The following RHOJ variants were observed in gnomAD, a reference collection of about 807,000 sequenced individuals.
RHOJ encodes the protein rho-related GTP-binding protein RhoJ.
Under a neutral mutation model 23.4 loss-of-function variants are expected in RHOJ, and 11 were observed. That is an observed-to-expected ratio of 0.47 (90% confidence interval 0.30 to 0.78). The LOEUF (loss-of-function observed/expected upper bound fraction) is 0.78, where lower values mean the gene tolerates loss of function less well. RHOJ is among the 30% of genes least tolerant of loss of function. The pLI is 0.08. For synonymous variants in RHOJ, 102 were observed against 102.7 expected (o/e 0.99, Z 0.04); for missense variants, 254 against 273.4 (o/e 0.93, Z 0.50).
Position 63,235,219 on chromosome 14 carries a change from A to G in RHOJ, c.178+30172A>G, listed in dbSNP as rs1405251233. Among the ~76,000 whole-genome samples the G allele has an allele frequency of 3.9e-5, 6 of 152,200 alleles. No homozygotes were observed. In the South Asian group the frequency reaches 6.2e-4, roughly 16 times the overall value. ...ACTTTCCTGGACTCCAAAAAAAAAA[A>G]GAGGCACTATCGCAGGAAGGAAAAA... On this transcript the variant is annotated intron_variant, in intron 1 of 4. Transcript: ENST00000316754.
intron 1 of RHOJ, among the ~76,000 whole-genome samples, chr14:63,238,468 G>C (rs749253294): frequency 9.2e-5 from 14 of 152,228 alleles, no homozygotes; most frequent in Non-Finnish European, 1.9e-4. Flanking sequence ...CCAAGCTAGA[G>C]TGCAGTGGTG....
chr14:63,268,995 C>A, intron 1 of RHOJ, 115 bp from the exon 2 acceptor site: 1 of 716,920 alleles, frequency 1.4e-6, no homozygotes, highest in Non-Finnish European at 2.5e-6. Flanking sequence ...ATGAGCGAGG[C>A]ATATGCTTCT....
chr14:63,262,039 A>T (rs1194529596), intron 1 of RHOJ, among the ~76,000 whole-genome samples: 1 of 152,176 alleles, frequency 6.6e-6, no homozygotes, highest in Non-Finnish European at 1.5e-5. Flanking sequence ...ATAGCTGGTT[A>T]TGTGCTAGCA....
intron 1 of RHOJ, among the ~76,000 whole-genome samples, chr14:63,227,955 G>T (rs1894624575): frequency 6.6e-6 from 1 of 152,132 alleles, no homozygotes; most frequent in Non-Finnish European, 1.5e-5. Flanking sequence ...AGTCACATCG[G>T]TATAGGGTTT....
intron 1 of RHOJ, among the ~76,000 whole-genome samples, chr14:63,235,590 T>C (rs1360668928): frequency 1.3e-5 from 2 of 152,202 alleles, no homozygotes; most frequent in Non-Finnish European, 2.9e-5. Context: ...CTGCTGAATG[T>C]AGATGGGGGT....
At chr14:63,256,883 C>T (rs1276447080) in intron 1 of RHOJ, among the ~76,000 whole-genome samples, 2 of 151,888 alleles carry the variant, frequency 1.3e-5, no homozygotes, top group African/African-American at 2.4e-5. Context: ...GCCAGCCTGA[C>T]GAACATGGTG....
At chr14:63,234,776 G>A (rs1894758806) in intron 1 of RHOJ, among the ~76,000 whole-genome samples, 1 of 152,068 alleles carries the variant, frequency 6.6e-6, no homozygotes, top group Non-Finnish European at 1.5e-5. Flanking sequence ...GAAAAGAAAG[G>A]TGAAATTCTC....
chr14:63,256,743 G>T (rs1895172736), intron 1 of RHOJ, among the ~76,000 whole-genome samples: 1 of 152,160 alleles, frequency 6.6e-6, no homozygotes, highest in Non-Finnish European at 1.5e-5. Context: ...TTTAAGACTA[G>T]CCTGGCCAAC....
At chr14:63,270,438 A>G (rs1895447760) in intron 2 of RHOJ, among the ~76,000 whole-genome samples, 1 of 152,210 alleles carries the variant, frequency 6.6e-6, no homozygotes. Flanking sequence ...AGCTACCGCC[A>G]GGAACTGGGA....
intron 1 of RHOJ, among the ~76,000 whole-genome samples, chr14:63,212,561 G>T (rs926023936): frequency 4.6e-5 from 7 of 152,128 alleles, no homozygotes; most frequent in Non-Finnish European, 8.8e-5. Context: ...TACACAATTT[G>T]CCCCATGCGG....
intron 1 of RHOJ, among the ~76,000 whole-genome samples, chr14:63,252,920 C>T (rs568008309): frequency 6.6e-6 from 1 of 152,264 alleles, no homozygotes; most frequent in East Asian, 1.9e-4. Flanking sequence ...ATAGAAGCAC[C>T]TCTTAAGAAT....
chr14:63,290,645 C>A (rs1200494288), intron 4 of RHOJ, among the ~76,000 whole-genome samples: 1 of 141,246 alleles, frequency 7.1e-6, no homozygotes, highest in African/African-American at 2.6e-5. Context: ...AATCCACAAC[C>A]ATTTATTGCA....
intron 1 of RHOJ, among the ~76,000 whole-genome samples, chr14:63,262,355 T>C (rs1432645527): frequency 6.6e-6 from 1 of 152,170 alleles, no homozygotes; most frequent in East Asian, 1.9e-4. Context: ...TAGACTTCAT[T>C]AGCATCTCAT....
intron 4 of RHOJ, among the ~76,000 whole-genome samples, chr14:63,288,769 T>C (rs561154078): frequency 6.6e-6 from 1 of 152,348 alleles, no homozygotes; most frequent in African/African-American, 2.4e-5. Context: ...TAACCATTCT[T>C]GTCAGGAAAA....
intron 1 of RHOJ, among the ~76,000 whole-genome samples, chr14:63,207,092 C>T (rs1894128018): frequency 6.6e-6 from 1 of 150,752 alleles, no homozygotes; most frequent in South Asian, 2.1e-4. Context: ...AGTGCAGTGG[C>T]ATGATCTCGG....
Position 63,288,272 on chromosome 14 carries a change from G to C in RHOJ, c.499-2606G>C, listed in dbSNP as rs180860323. 8,552 of 985,410 alleles carry C rather than the reference G, an allele frequency of 8.7e-3. 44 individuals are homozygous for C. Among genetic ancestry groups the C allele is most frequent in the Admixed American group, 0.012 (189 of 16,280 alleles). 61.0% of individuals were successfully genotyped at this position (985,410 alleles called of 1,614,324 possible). On this transcript the variant is annotated intron_variant, in intron 4 of 4. Coordinates refer to ENST00000316754, the MANE Select transcript of RHOJ (RefSeq NM_020663.5). The stretch of plus-strand genomic sequence containing the variant: ...CTGACATGCTGTCAGCTGCACACTG[G>C]GGGCAGGAGGATGGGGAGTGCCCTG...
At chr14:63,214,467 C>T (rs553013877) in intron 1 of RHOJ, among the ~76,000 whole-genome samples, 3 of 152,256 alleles carry the variant, frequency 2.0e-5, no homozygotes, top group African/African-American at 7.2e-5. Flanking sequence ...AATTTAAAAA[C>T]AGATATGCAT....
intron 1 of RHOJ, among the ~76,000 whole-genome samples, chr14:63,208,995 G>A (rs908136018): frequency 6.6e-6 from 1 of 151,950 alleles, no homozygotes; most frequent in African/African-American, 2.4e-5. Context: ...AAAAACTTTG[G>A]TATTGACTCC....
At chr14:63,207,251 T>C (rs1027404789) in intron 1 of RHOJ, among the ~76,000 whole-genome samples, 1 of 152,026 alleles carries the variant, frequency 6.6e-6, no homozygotes, top group African/African-American at 2.4e-5. Context: ...AGGCTGGTCT[T>C]GAACTCCTTA....
Sources: allele counts gnomAD v4.1 joint callset (sites outside exome capture counted in the v4.1 genomes callset), GRCh38; gene constraint gnomAD v4.1.1; transcripts MANE v1.5; gene names NCBI Gene and HGNC (gene_info 2026-07-23, HGNC 2026-07-21).